The following HIKESHI variants were observed in gnomAD, a reference collection of about 807,000 sequenced individuals.
HIKESHI encodes protein Hikeshi.
Under a neutral mutation model 25.7 loss-of-function variants are expected in HIKESHI, and 13 were observed. That is an observed-to-expected ratio of 0.51 (90% confidence interval 0.33 to 0.80). The LOEUF (loss-of-function observed/expected upper bound fraction) is 0.80. Among genes scored for constraint, HIKESHI ranks in the 30% least tolerant of loss-of-function variants. HIKESHI has a pLI of 0.02. For missense variants in HIKESHI, 174 were observed against 229.5 expected (o/e 0.76, Z 1.56); for synonymous variants, 76 against 78.7 (o/e 0.97, Z 0.18).
At chr11:86,332,958 A>G (rs180821945) in intron 2 of HIKESHI, among the ~76,000 whole-genome samples, 5 of 152,372 alleles carry the variant, frequency 3.3e-5, no homozygotes, top group African/African-American at 9.6e-5. Context: ...TGGAGACACC[A>G]TCTTTATGGT....
chr11:86,312,132 G>A (rs1203391342), intron 2 of HIKESHI, among the ~76,000 whole-genome samples: 17 of 152,198 alleles, frequency 1.1e-4, no homozygotes, highest in East Asian at 3.9e-4. Context: ...TTTCTGTCTC[G>A]TTGATCTGTC....
At chr11:86,305,512 G>A (rs1020019224) in intron 1 of HIKESHI, among the ~76,000 whole-genome samples, 2 of 151,666 alleles carry the variant, frequency 1.3e-5, no homozygotes, top group African/African-American at 2.4e-5. Context: ...TTAGCCTCCC[G>A]AGTACCTGGG....
At chr11:86,318,711 A>T (rs1947065386) in intron 2 of HIKESHI, among the ~76,000 whole-genome samples, 1 of 152,214 alleles carries the variant, frequency 6.6e-6, no homozygotes, top group Non-Finnish European at 1.5e-5. Flanking sequence ...TGGAATATTG[A>T]ACCCCATTCT....
intron 2 of HIKESHI, among the ~76,000 whole-genome samples, chr11:86,324,658 G>A (rs894454171): frequency 6.6e-6 from 1 of 152,138 alleles, no homozygotes; most frequent in Non-Finnish European, 1.5e-5. Context: ...AGGTGAATTT[G>A]TAATAGGTTT....
chr11:86,337,229 T>C (rs1322537952), intron 2 of HIKESHI, 150 bp from the exon 3 acceptor site: 20 of 675,472 alleles, frequency 3.0e-5, no homozygotes, highest in Non-Finnish European at 4.9e-5. Flanking sequence ...AAAAACGAAG[T>C]AGGCTTTTGC....
chr11:86,314,656 G>C (rs758535580), intron 2 of HIKESHI, among the ~76,000 whole-genome samples: 3 of 152,014 alleles, frequency 2.0e-5, no homozygotes, highest in Admixed American at 6.6e-5. Context: ...AGAAATGGGA[G>C]AGAGCAATAT....
At chr11:86,335,041 G>C (rs1033392181) in intron 2 of HIKESHI, among the ~76,000 whole-genome samples, 10 of 152,290 alleles carry the variant, frequency 6.6e-5, no homozygotes, top group Non-Finnish European at 1.3e-4. Flanking sequence ...TAAGAACAGT[G>C]AGCTTTGTGG....
intron 2 of HIKESHI, among the ~76,000 whole-genome samples, chr11:86,333,114 A>G (rs186374776): frequency 6.6e-6 from 1 of 152,266 alleles, no homozygotes; most frequent in African/African-American, 2.4e-5. Context: ...TAAATTCTAC[A>G]CTGATGACGA....
chr11:86,318,527 A>G (rs1247538129), intron 2 of HIKESHI, among the ~76,000 whole-genome samples: 1 of 152,018 alleles, frequency 6.6e-6, no homozygotes, highest in East Asian at 1.9e-4. Flanking sequence ...TGAAGCCAAT[A>G]TAACCTTCAT....
chr11:86,327,026 G>T (rs534286618), intron 2 of HIKESHI, among the ~76,000 whole-genome samples: 123 of 152,134 alleles, frequency 8.1e-4, no homozygotes, highest in Non-Finnish European at 1.4e-3. Context: ...AGGAGTTTGA[G>T]ACTGGCGTGG....
rs189409517 is a variant in HIKESHI, at chr11:86,337,267, G to A, written c.269-112G>A. The A allele has an allele frequency of 6.8e-4, 657 of 964,290 alleles. 3 individuals carry two copies. In the African/African-American group the frequency reaches 9.9e-3, roughly 15 times the overall value. The allele number at this position is 964,290 out of a possible 1,614,324, so 59.7% of individuals were successfully genotyped here. ...TTATCTGAAAAGAGGGACAAACTTGGACATAAAACTTTTTCATGTATATAA... is the reference window on the plus strand; with the variant it reads ...TTATCTGAAAAGAGGGACAAACTTGAACATAAAACTTTTTCATGTATATAA... On this transcript the variant is annotated intron_variant, in intron 2 of 4. Transcript: ENST00000278483.
chr11:86,317,982 A>G, intron 2 of HIKESHI, among the ~76,000 whole-genome samples: 1 of 151,972 alleles, frequency 6.6e-6, no homozygotes, highest in East Asian at 1.9e-4. Flanking sequence ...ACCAAACAAA[A>G]CTGAAATAAT....
chr11:86,341,310 C>T (rs538593101), intron 3 of HIKESHI, among the ~76,000 whole-genome samples: 7 of 151,172 alleles, frequency 4.6e-5, no homozygotes, highest in Non-Finnish European at 8.8e-5. Flanking sequence ...TGTGGTACAA[C>T]GATTACATTT....
intron 2 of HIKESHI, among the ~76,000 whole-genome samples, chr11:86,333,981 A>G (rs1450063711): frequency 6.6e-6 from 1 of 152,256 alleles, no homozygotes; most frequent in Admixed American, 6.5e-5. Flanking sequence ...ACCATAAGCT[A>G]TAACTTTATT....
At chr11:86,320,315 C>T (rs564218210) in intron 2 of HIKESHI, among the ~76,000 whole-genome samples, 3 of 152,206 alleles carry the variant, frequency 2.0e-5, no homozygotes, top group Admixed American at 1.3e-4. Flanking sequence ...TGGTGGCTCA[C>T]GCCTGTAATC....
chr11:86,341,546 A>C (rs1006144747), intron 3 of HIKESHI, among the ~76,000 whole-genome samples: 1 of 150,856 alleles, frequency 6.6e-6, no homozygotes, highest in Non-Finnish European at 1.5e-5. Flanking sequence ...CTAGGCTGGA[A>C]CGCAGTGGTG....
rs1248571716 is a variant in HIKESHI, at chr11:86,345,581, T to C, written c.540-3T>C. On this transcript the variant is annotated splice_region_variant and splice_polypyrimidine_tract_variant and intron_variant, in intron 4 of 4. Transcript: ENST00000278483. ...ATGTAAATATATGTGTTTTCTTTTC[T>C]AGGTATGAAAACTTTCAAAGACGAC... The C allele has an allele frequency of 6.6e-7, 1 of 1,523,402 alleles. No homozygotes were observed. The highest frequency in any genetic ancestry group is 1.9e-5 in the Admixed American group (1 of 53,388). The allele number at this position is 1,523,402 out of a possible 1,614,324, so 94.4% of individuals were successfully genotyped here.
At chr11:86,323,753 C>T (rs763527298) in intron 2 of HIKESHI, among the ~76,000 whole-genome samples, 4 of 152,184 alleles carry the variant, frequency 2.6e-5, no homozygotes, top group Non-Finnish European at 5.9e-5. Flanking sequence ...AGAACACAGA[C>T]ATTTCCTTAT....
intron 2 of HIKESHI, among the ~76,000 whole-genome samples, chr11:86,318,665 C>A (rs1947063672): frequency 1.3e-5 from 2 of 151,932 alleles, no homozygotes; most frequent in South Asian, 4.1e-4. Context: ...ATTTTTATTA[C>A]TAGAAAATTC....
Sources: allele counts gnomAD v4.1 joint callset (sites outside exome capture counted in the v4.1 genomes callset), GRCh38; gene constraint gnomAD v4.1.1; transcripts MANE v1.5; gene names NCBI Gene and HGNC (gene_info 2026-07-23, HGNC 2026-07-21).